CYP20A1: variants seen among roughly 807,000 people sequenced by gnomAD.
CYP20A1 encodes the protein cytochrome P450 family 20 subfamily A member 1, also known as cytochrome P450 20A1.
A neutral mutation model predicts 61.4 loss-of-function variants in CYP20A1; 61 were observed. That is an observed-to-expected ratio of 0.99 (90% confidence interval 0.81 to 1.23). The LOEUF (loss-of-function observed/expected upper bound fraction) is 1.23. CYP20A1 is among the 50% of genes most tolerant of loss of function. The pLI, the probability that CYP20A1 is intolerant of heterozygous loss-of-function variation, is 0.00. For synonymous variants in CYP20A1, 193 were observed against 188.2 expected (o/e 1.03, Z -0.21); for missense variants, 530 against 542.4 (o/e 0.98, Z 0.23).
intron 11 of CYP20A1, among the ~76,000 whole-genome samples, chr2:203,292,963 C>T (rs550529171): frequency 6.6e-6 from 1 of 152,008 alleles, no homozygotes; most frequent in African/African-American, 2.4e-5. Context: ...ATCACAAGGT[C>T]ATGAGTTCAA....
At chr2:203,267,675 T>C (rs1385382193) in intron 5 of CYP20A1, among the ~76,000 whole-genome samples, 1 of 151,512 alleles carries the variant, frequency 6.6e-6, no homozygotes, top group Non-Finnish European at 1.5e-5. Flanking sequence ...AAACCCCGTC[T>C]CTACTAAAAA....
chr2:203,262,236 A>G (rs2067163437), intron 4 of CYP20A1, among the ~76,000 whole-genome samples: 1 of 152,106 alleles, frequency 6.6e-6, no homozygotes, highest in African/African-American at 2.4e-5. Flanking sequence ...TTTATTTTTA[A>G]ATTAGAGATG....
chr2:203,255,317 A>G (rs1214238244), intron 4 of CYP20A1, among the ~76,000 whole-genome samples: 7 of 152,248 alleles, frequency 4.6e-5, no homozygotes, highest in Non-Finnish European at 8.8e-5. Context: ...AAAAACTATG[A>G]TATTATATTT....
At position 203,299,831 on chromosome 2, in the gene CYP20A1, G is replaced by A. The variant is rs901965932; in HGVS notation, c.*2923G>A. Reference sequence around the variant, plus strand: ...AGAGGTTGCGGTGAGCCAAGATCGCGCCATTGCACTCCAGCCTGGGCAACA... The same window carrying A: ...AGAGGTTGCGGTGAGCCAAGATCGCACCATTGCACTCCAGCCTGGGCAACA... On this transcript the variant is annotated 3_prime_UTR_variant, in exon 13 of 13. Transcript: ENST00000356079. Among the ~76,000 whole-genome samples, 3 of 151,898 alleles carry A rather than the reference G, an allele frequency of 2.0e-5. No individual in the cohort carries two copies. Among genetic ancestry groups the A allele is most frequent in the Non-Finnish European group, 2.9e-5 (2 of 68,000 alleles).
intron 11 of CYP20A1, among the ~76,000 whole-genome samples, chr2:203,294,662 G>A (rs2068696477): frequency 1.3e-5 from 2 of 151,484 alleles, no homozygotes. Context: ...TTTGGACGGA[G>A]TCTCAATCTG....
intron 5 of CYP20A1, among the ~76,000 whole-genome samples, chr2:203,267,873 C>T (rs144444978): frequency 4.6e-5 from 7 of 151,918 alleles, no homozygotes; most frequent in South Asian, 4.2e-4. Flanking sequence ...GCGATCTCAC[C>T]GCTGTTTCCA....
At chr2:203,292,572 C>G (rs1282746837) in intron 11 of CYP20A1, among the ~76,000 whole-genome samples, 1 of 152,158 alleles carries the variant, frequency 6.6e-6, no homozygotes, top group Non-Finnish European at 1.5e-5. Flanking sequence ...CATCCTTCTG[C>G]GTCAGCCACC....
Position 203,271,052 on chromosome 2 carries a change from G to GTATATA in CYP20A1, c.601-1617_601-1616insATATAT, listed in dbSNP as rs1352823025. On this transcript the variant is annotated intron_variant, in intron 5 of 12. Transcript: ENST00000356079. ...AGTGTATATATATATATATGTATATGTGTATATATATATATATATATATAT... is the reference window on the plus strand; with the variant it reads ...AGTGTATATATATATATATGTATATGTATATATGTATATATATATATATATATATAT... Among the ~76,000 whole-genome samples, 155 of 45,718 alleles carry GTATATA rather than the reference G, an allele frequency of 3.4e-3. 6 individuals carry two copies. The highest frequency in any genetic ancestry group is 5.0e-3 in the African/African-American group (72 of 14,424). The allele number at this position is 45,718 out of a possible 152,430, so 30.0% of individuals were successfully genotyped here.
At chr2:203,277,192 T>C (rs1227848484) in intron 6 of CYP20A1, among the ~76,000 whole-genome samples, 9 of 151,266 alleles carry the variant, frequency 5.9e-5, no homozygotes, top group Non-Finnish European at 1.3e-4. Context: ...ACTAAAAATA[T>C]AAAAAATTAG....
rs187161049 is a variant in CYP20A1 at position 203,283,695 on chromosome 2, C to T, written c.851-1917C>T. On this transcript the variant is annotated intron_variant, in intron 8 of 12. Coordinates refer to ENST00000356079, the MANE Select transcript of CYP20A1 (RefSeq NM_177538.3). ...TTCCAAGTAGCTGGGACTAGAGGCG[C>T]GTGCCACCATGCCCAGCTAATTTTT... is the stretch of plus-strand genomic sequence containing the variant. Among the ~76,000 whole-genome samples the T allele has an allele frequency of 8.4e-4, 128 of 151,506 alleles. 1 individual carries two copies. Among genetic ancestry groups the T allele is most frequent in the Middle Eastern group, 3.4e-3 (1 of 290 alleles).
intron 6 of CYP20A1, among the ~76,000 whole-genome samples, chr2:203,274,852 A>G (rs1353301793): frequency 1.3e-5 from 2 of 152,226 alleles, no homozygotes; most frequent in Non-Finnish European, 2.9e-5. Flanking sequence ...TAAAAAATGT[A>G]TTTCAGAAAT....
chr2:203,251,795 A>ATGTG (rs1559086911), intron 3 of CYP20A1, among the ~76,000 whole-genome samples, 172 bp from the exon 4 acceptor site: 1 of 77,044 alleles, frequency 1.3e-5, no homozygotes, highest in East Asian at 2.4e-4. Context: ...ATATATGTGT[A>ATGTG]TATATATATA....
chr2:203,273,576 G>C (rs1383702598), intron 6 of CYP20A1, among the ~76,000 whole-genome samples: 2 of 152,056 alleles, frequency 1.3e-5, no homozygotes, highest in Non-Finnish European at 2.9e-5. Context: ...GAGATGAGAG[G>C]ATCACTTCAG....
chr2:203,292,150 T>A, intron 10 of CYP20A1, 112 bp from the exon 11 acceptor site: 1 of 587,052 alleles, frequency 1.7e-6, no homozygotes, highest in Non-Finnish European at 2.9e-6. Context: ...TATTTTTAAA[T>A]TATTATTTTG....
At position 203,305,869 on chromosome 2, in the gene CYP20A1, A is replaced by G. The variant is rs1419810265; in HGVS notation, c.*8961A>G. The stretch of plus-strand genomic sequence containing the variant: ...AATAGTTTAAAAAAATTCAGAAGCC[A>G]AGCTATCCATAAAGCTACTTTGTGA... On this transcript the variant is annotated 3_prime_UTR_variant, in exon 13 of 13. Coordinates refer to ENST00000356079, the MANE Select transcript of CYP20A1 (RefSeq NM_177538.3). Among the ~76,000 whole-genome samples the G allele has an allele frequency of 6.6e-6, 1 of 152,208 alleles. No individual in the cohort carries two copies. The highest frequency in any genetic ancestry group is 1.5e-5 in the Non-Finnish European group (1 of 68,040).
intron 1 of CYP20A1, among the ~76,000 whole-genome samples, chr2:203,239,733 T>C (rs928568470): frequency 6.6e-6 from 1 of 152,232 alleles, no homozygotes; most frequent in South Asian, 2.1e-4. Flanking sequence ...CCTCTGCCGC[T>C]GACGCCTCTG....
In CYP20A1 at chr2:203,271,236, C is replaced by T. The variant is rs189920248; in HGVS notation, c.601-1434C>T. Among the ~76,000 whole-genome samples, 172 of 150,178 alleles carry T rather than the reference C, an allele frequency of 1.1e-3. 1 individual carries two copies. Among genetic ancestry groups the T allele is most frequent in the Middle Eastern group, 3.4e-3 (1 of 290 alleles). ...CCAAGTAGCTGGGACTACAGGTGCC[C>T]GCCACCACGCCCGGCTAATTTTTTT... On this transcript the variant is annotated intron_variant, in intron 5 of 12. Transcript: ENST00000356079.
intron 10 of CYP20A1, among the ~76,000 whole-genome samples, chr2:203,290,990 A>C (rs1020903858): frequency 1.3e-5 from 2 of 152,056 alleles, no homozygotes. Flanking sequence ...TATGATTGAC[A>C]TTATTTTTTT....
rs118167459 is a variant in CYP20A1, at chr2:203,258,439, C to T, written c.432+6330C>T. Among the ~76,000 whole-genome samples the T allele has an allele frequency of 6.6e-5, 10 of 151,060 alleles. No individual in the cohort carries two copies. The East Asian group carries it at 1.7e-3, about 26-fold the overall frequency. On this transcript the variant is annotated intron_variant, in intron 4 of 12. Transcript: ENST00000356079. ...AGTAAATGTTGAATGCCATTTTTCCCATATGGAAGTTCTAGCTGAAACTCA... is the reference window on the plus strand; with the variant it reads ...AGTAAATGTTGAATGCCATTTTTCCTATATGGAAGTTCTAGCTGAAACTCA...
Sources: gnomAD v4.1 joint callset for allele counts (sites outside exome capture counted in the v4.1 genomes callset) on GRCh38, gnomAD v4.1.1 for gene constraint, MANE v1.5 for transcripts, NCBI Gene and HGNC (gene_info 2026-07-23, HGNC 2026-07-21) for gene names.